ZBBX: variants seen among roughly 807,000 people sequenced by gnomAD.
The protein encoded by ZBBX is zinc finger B-box domain-containing protein 1.
ZBBX carries 101 observed loss-of-function variants against 108.5 expected under a neutral mutation model. That is an observed-to-expected ratio of 0.93 (90% CI 0.79 to 1.10). The LOEUF (loss-of-function observed/expected upper bound fraction) is 1.10, where lower values mean the gene tolerates loss of function less well. Among genes scored for constraint, ZBBX ranks in the 50% least tolerant of loss-of-function variants. ZBBX has a pLI of 0.00. For synonymous variants in ZBBX, 356 were observed against 323.4 expected (o/e 1.10, Z -1.08); for missense variants, 1,009 against 941.4 (o/e 1.07, Z -0.94).
chr3:167,265,959 C>A (rs1483460483), intron 20 of ZBBX, among the ~76,000 whole-genome samples: 2 of 152,198 alleles, frequency 1.3e-5, no homozygotes, highest in African/African-American at 4.8e-5. Flanking sequence ...AGGGTTGCTG[C>A]CAGGAGGTGG....
At chr3:167,376,353 T>C (rs955877908) in intron 2 of ZBBX, among the ~76,000 whole-genome samples, 3 of 152,334 alleles carry the variant, frequency 2.0e-5, no homozygotes, top group Admixed American at 2.0e-4. Context: ...GGAATCTGTA[T>C]TGCTTTCTGA....
chr3:167,201,313 T>A, the ZBBX span, among the ~76,000 whole-genome samples: 2 of 152,150 alleles, frequency 1.3e-5, no homozygotes, highest in African/African-American at 4.8e-5. Flanking sequence ...CTACAACATA[T>A]GTTATTTTAA....
At position 167,332,849 on chromosome 3, in the gene ZBBX, T is replaced by C. The variant is rs549923181; in HGVS notation, c.687+978A>G. On this transcript the variant is annotated intron_variant, in intron 10 of 21. Transcript: ENST00000675490. Reference sequence around the variant, plus strand: ...ATTATCAATTCTACCTTTGGCAATTTATAAAAACTATTCCCTGCCACTATT... The same window carrying C: ...ATTATCAATTCTACCTTTGGCAATTCATAAAAACTATTCCCTGCCACTATT... Among the ~76,000 whole-genome samples the C allele has an allele frequency of 3.9e-5, 6 of 152,248 alleles. No homozygotes were observed. The South Asian group carries it at 8.3e-4, about 21-fold the overall frequency.
At chr3:167,297,681 A>T (rs1226109291) in intron 18 of ZBBX, among the ~76,000 whole-genome samples, 3 of 152,050 alleles carry the variant, frequency 2.0e-5, no homozygotes, top group African/African-American at 7.2e-5. Context: ...CCTATAACTC[A>T]ACAATGAAAA....
chr3:167,386,320 A>G (rs894964380), intron 1 of ZBBX, among the ~76,000 whole-genome samples: 4 of 152,050 alleles, frequency 2.6e-5, no homozygotes, highest in Non-Finnish European at 5.9e-5. Context: ...AATTACTTAA[A>G]CTAGGATGGA....
At chr3:167,273,274 C>T (rs1394847413) in intron 20 of ZBBX, among the ~76,000 whole-genome samples, 2 of 152,154 alleles carry the variant, frequency 1.3e-5, no homozygotes, top group African/African-American at 4.8e-5. Flanking sequence ...TATTCTGTCT[C>T]ACATTAAATA....
At chr3:167,298,215 G>T in intron 18 of ZBBX, 90 bp downstream of exon 18, 1 of 1,071,178 alleles carries the variant, frequency 9.3e-7, no homozygotes, top group Non-Finnish European at 1.3e-6. Context: ...AGGCTGGCAA[G>T]AAGAAAATGA....
chr3:167,211,263 G>T, the ZBBX span, among the ~76,000 whole-genome samples: 4 of 152,272 alleles, frequency 2.6e-5, no homozygotes, highest in African/African-American at 9.6e-5. Flanking sequence ...ATCTCCTTGT[G>T]AACCCACTCG....
rs1448733846 is a variant in ZBBX, at chr3:167,407,675, TA to T, written c.-446+50del. Reference sequence around the variant, plus strand: ...CATGAGGAAGAAAAAATATGTTTATTATTCATCAAGTAAAGTAGGTAATTAT... The same window carrying T: ...CATGAGGAAGAAAAAATATGTTTATTTTCATCAAGTAAAGTAGGTAATTAT... On this transcript the variant is annotated intron_variant, in intron 1 of 21. Coordinates refer to the ZBBX transcript ENST00000455345. Among the ~76,000 whole-genome samples, 3 of 152,052 alleles carry T rather than the reference TA, an allele frequency of 2.0e-5. No individual in the cohort carries two copies. The East Asian group carries it at 5.8e-4, about 29-fold the overall frequency.
chr3:167,265,052 C>T (rs1015380250), intron 20 of ZBBX, among the ~76,000 whole-genome samples: 1 of 152,246 alleles, frequency 6.6e-6, no homozygotes, highest in South Asian at 2.1e-4. Context: ...TCCCCACGAA[C>T]CTGCTTGTTG....
intron 2 of ZBBX, among the ~76,000 whole-genome samples, chr3:167,378,861 C>T (rs1339851962): frequency 4.6e-5 from 7 of 152,172 alleles, no homozygotes; most frequent in African/African-American, 1.7e-4. Context: ...CGAAACCGAG[C>T]TTCTCCTTGT....
chr3:167,300,603 C>T (rs552991662), intron 17 of ZBBX, among the ~76,000 whole-genome samples: 6 of 150,202 alleles, frequency 4.0e-5, no homozygotes, highest in African/African-American at 1.5e-4. Flanking sequence ...ATCTCCCCCA[C>T]CAACCCTTTT....
chr3:167,338,783 GATACACACAT>G (rs995661865), intron 9 of ZBBX, among the ~76,000 whole-genome samples: 17 of 152,106 alleles, frequency 1.1e-4, no homozygotes, highest in Middle Eastern at 3.4e-3. Context: ...TAGAGAGAGA[GATACACACAT>G]ATACACACAG....
chr3:167,262,160 T>C (rs1724657796), intron 20 of ZBBX, among the ~76,000 whole-genome samples: 1 of 151,500 alleles, frequency 6.6e-6, no homozygotes, highest in African/African-American at 2.4e-5. Flanking sequence ...GAAGAGGGGG[T>C]CTCTCTTTCC....
At chr3:167,359,689 G>A (rs1009286837) in intron 8 of ZBBX, among the ~76,000 whole-genome samples, 181 bp downstream of exon 8, 1 of 152,072 alleles carries the variant, frequency 6.6e-6, no homozygotes, top group Non-Finnish European at 1.5e-5. Context: ...AATAAGTACA[G>A]GTATTGACTG....
At chr3:167,190,127 TG>T in the ZBBX span, among the ~76,000 whole-genome samples, 1 of 152,180 alleles carries the variant, frequency 6.6e-6, no homozygotes, top group Middle Eastern at 3.2e-3. Flanking sequence ...TCATAAATAT[TG>T]TCATGTCTTG....
chr3:167,323,912 C>T (rs1433040340), intron 11 of ZBBX, among the ~76,000 whole-genome samples: 1 of 151,956 alleles, frequency 6.6e-6, no homozygotes, highest in Non-Finnish European at 1.5e-5. Flanking sequence ...CTGCCTTTCA[C>T]ATAGAAGGAA....
intron 18 of ZBBX, among the ~76,000 whole-genome samples, chr3:167,297,858 G>C (rs1335349424): frequency 2.6e-5 from 4 of 151,860 alleles, no homozygotes; most frequent in Non-Finnish European, 5.9e-5. Context: ...CCATGAGGAT[G>C]ACTATTCTCC....
Position 167,315,733 on chromosome 3 carries a change from A to ATT in ZBBX, c.1274+16_1274+17insAA, listed in dbSNP as rs1263125369. 1 of 1,587,370 alleles carries ATT rather than the reference A, an allele frequency of 6.3e-7. No homozygotes were observed. The highest frequency in any genetic ancestry group is 8.6e-7 in the Non-Finnish European group (1 of 1,160,746). On this transcript the variant is annotated intron_variant, in intron 15 of 21. Transcript: ENST00000675490. ...GGGGGCTCAATATGCACACAAAGTTAATTAGAAAGGTTTTACCTTCGTTGA... is the reference window on the plus strand; with the variant it reads ...GGGGGCTCAATATGCACACAAAGTTATTATTAGAAAGGTTTTACCTTCGTTGA...
Sources: gnomAD v4.1 joint callset for allele counts (sites outside exome capture counted in the v4.1 genomes callset) on GRCh38, gnomAD v4.1.1 for gene constraint, MANE v1.5 for transcripts, NCBI Gene and HGNC (gene_info 2026-07-23, HGNC 2026-07-21) for gene names.